SEMA3E: variants seen among roughly 807,000 people sequenced by gnomAD.
SEMA3E encodes semaphorin-3E.
SEMA3E carries 49 observed loss-of-function variants against 93.6 expected under a neutral mutation model. The ratio of observed to expected loss-of-function variants is 0.52; its 90% CI spans 0.42 to 0.66. The LOEUF is 0.66. Ranked by LOEUF, SEMA3E falls within the 30% of genes least tolerant of loss-of-function variation. The pLI, the probability that SEMA3E is intolerant of heterozygous loss-of-function variation, is 0.00. For synonymous variants in SEMA3E, 363 were observed against 330.7 expected (o/e 1.10, Z -1.06); for missense variants, 906 against 964.8 (o/e 0.94, Z 0.81).
intron 4 of SEMA3E, among the ~76,000 whole-genome samples, chr7:83,440,509 T>C (rs1584250493): frequency 6.6e-6 from 1 of 152,326 alleles, no homozygotes; most frequent in East Asian, 1.9e-4. Flanking sequence ...ATTTTATAAA[T>C]AAACTTTCTT....
chr7:83,561,607 C>G (rs531699641), intron 1 of SEMA3E, among the ~76,000 whole-genome samples: 1 of 152,084 alleles, frequency 6.6e-6, no homozygotes, highest in South Asian at 2.1e-4. Context: ...TGCCCTATTA[C>G]ATAATCTCAT....
Position 83,416,984 on chromosome 7 carries a change from T to TACAC in SEMA3E, c.550+1402_550+1405dup, listed in dbSNP as rs71522659. Among the ~76,000 whole-genome samples the TACAC allele has an allele frequency of 8.3e-3, 945 of 113,750 alleles. 17 individuals carry two copies. The highest frequency in any genetic ancestry group is 0.025 in the African/African-American group (895 of 36,060). 74.6% of individuals were successfully genotyped at this position (113,750 alleles called of 152,430 possible). On this transcript the variant is annotated intron_variant, in intron 5 of 16. Transcript: ENST00000643230. ...CTTCCTTTTTTTAATACTCTGTTTA[T>TACAC]ACACACACACACACACACACACACA...
chr7:83,456,232 ACT>A (rs1368779535), intron 4 of SEMA3E, among the ~76,000 whole-genome samples: 11 of 152,122 alleles, frequency 7.2e-5, no homozygotes, highest in African/African-American at 9.7e-5. Context: ...TATACCTAAA[ACT>A]CTGTTTCTTA....
chr7:83,537,891 A>C (rs1425386157), intron 1 of SEMA3E, among the ~76,000 whole-genome samples: 2 of 152,144 alleles, frequency 1.3e-5, no homozygotes, highest in Non-Finnish European at 2.9e-5. Context: ...ACAACTATTA[A>C]TCTACCTTAA....
At chr7:83,564,772 A>AGATGACAATTACATGGTTG (rs1792107074) in intron 1 of SEMA3E, among the ~76,000 whole-genome samples, 1 of 152,218 alleles carries the variant, frequency 6.6e-6, no homozygotes. Flanking sequence ...GTAATAGGAA[A>AGATGACAATTACATGGTTG]GATGACAATT....
At chr7:83,601,320 T>C (rs1215676028) in intron 1 of SEMA3E, among the ~76,000 whole-genome samples, 1 of 152,220 alleles carries the variant, frequency 6.6e-6, no homozygotes. Context: ...TCAACAGACT[T>C]CAGTGAGAGC....
At position 83,364,159 on chromosome 7, in the gene SEMA3E, G is replaced by T. The variant is rs1050589913; in HGVS notation, c.*3427C>A. 1 of 151,808 alleles carries T rather than the reference G, an allele frequency of 6.6e-6. No individual in the cohort carries two copies. Among genetic ancestry groups the T allele is most frequent in the Non-Finnish European group, 1.5e-5 (1 of 67,978 alleles). The allele number at this position is 151,808 out of a possible 1,614,324, so 9.4% of individuals were successfully genotyped here. ...TCCACCCGCCTCGGCCTCCCAAAGT[G>T]CTGGGATTACAGGCGTGAGCCACCG... On this transcript the variant is annotated 3_prime_UTR_variant, in exon 17 of 17. Coordinates refer to ENST00000643230, the MANE Select transcript of SEMA3E (RefSeq NM_012431.3).
intron 2 of SEMA3E, among the ~76,000 whole-genome samples, chr7:83,481,249 A>C (rs1790139847): frequency 6.6e-6 from 1 of 152,128 alleles, no homozygotes; most frequent in African/African-American, 2.4e-5. Context: ...CAAGATCCTG[A>C]TATTGTCACA....
chr7:83,559,533 C>A (rs1416927201), intron 1 of SEMA3E, among the ~76,000 whole-genome samples: 4 of 151,860 alleles, frequency 2.6e-5, no homozygotes. Flanking sequence ...TGCTACACAC[C>A]TCTTAGAATG....
intron 1 of SEMA3E, among the ~76,000 whole-genome samples, chr7:83,630,789 T>A (rs967570097): frequency 2.6e-5 from 4 of 152,166 alleles, no homozygotes; most frequent in African/African-American, 4.8e-5. Flanking sequence ...AAAGAGCATT[T>A]GGTGAAGTTA....
intron 1 of SEMA3E, among the ~76,000 whole-genome samples, chr7:83,605,327 A>C (rs976832923): frequency 2.6e-5 from 4 of 152,046 alleles, no homozygotes; most frequent in African/African-American, 9.6e-5. Context: ...CACCATTCTG[A>C]CTGGCATGAG....
chr7:83,399,575 C>T (rs1456689184), intron 11 of SEMA3E, among the ~76,000 whole-genome samples: 3 of 152,204 alleles, frequency 2.0e-5, no homozygotes, highest in African/African-American at 7.2e-5. Flanking sequence ...ACTGACAGAA[C>T]TATTCTTGCT....
rs1355620679 is a variant in SEMA3E, at chr7:83,382,558, G to C, written c.1875+2736C>G. ...TAGGTACATATAAATAATAGCCTCA[G>C]TTATCAATTCTGTTTATGAGTCTCT... is the stretch of plus-strand genomic sequence containing the variant. On this transcript the variant is annotated intron_variant, in intron 16 of 16. Coordinates refer to ENST00000643230, the MANE Select transcript of SEMA3E (RefSeq NM_012431.3). Among the ~76,000 whole-genome samples the C allele has an allele frequency of 2.0e-5, 3 of 151,824 alleles. No individual in the cohort carries two copies. In the Admixed American group the frequency reaches 2.0e-4, roughly 10 times the overall value.
intron 14 of SEMA3E, among the ~76,000 whole-genome samples, chr7:83,387,575 A>G (rs548709857): frequency 1.3e-5 from 2 of 152,058 alleles, no homozygotes; most frequent in South Asian, 2.1e-4. Context: ...AACTAATAAT[A>G]TACTGTAGTC....
At chr7:83,589,964 A>C (rs1302197796) in intron 1 of SEMA3E, among the ~76,000 whole-genome samples, 1 of 152,202 alleles carries the variant, frequency 6.6e-6, no homozygotes, top group Non-Finnish European at 1.5e-5. Context: ...CACCTTGAGA[A>C]ATGGCTTCCT....
chr7:83,583,074 G>T (rs1792546393), intron 1 of SEMA3E, among the ~76,000 whole-genome samples: 1 of 151,980 alleles, frequency 6.6e-6, no homozygotes. Flanking sequence ...TTATTGACAG[G>T]TATTCTCACA....
At chr7:83,516,043 A>T (rs1341239795) in intron 1 of SEMA3E, among the ~76,000 whole-genome samples, 2 of 152,102 alleles carry the variant, frequency 1.3e-5, no homozygotes, top group Non-Finnish European at 2.9e-5. Flanking sequence ...AATAACAACA[A>T]CAACAATAAC....
intron 2 of SEMA3E, among the ~76,000 whole-genome samples, chr7:83,470,862 CTTTTTTTT>C (rs60392556): frequency 7.1e-6 from 1 of 139,942 alleles, no homozygotes; most frequent in Non-Finnish European, 1.5e-5. Context: ...CCCACATTTT[CTTTTTTTT>C]TTTTTTTTGG....
At chr7:83,414,051 C>T (rs1244598091) in intron 5 of SEMA3E, among the ~76,000 whole-genome samples, 3 of 151,974 alleles carry the variant, frequency 2.0e-5, no homozygotes, top group Admixed American at 2.0e-4. Context: ...GGGCATTCTG[C>T]CAAGTGAGAG....
Sources: gnomAD v4.1 joint callset for allele counts (sites outside exome capture counted in the v4.1 genomes callset) on GRCh38, gnomAD v4.1.1 for gene constraint, MANE v1.5 for transcripts, NCBI Gene and HGNC (gene_info 2026-07-23, HGNC 2026-07-21) for gene names.